Variants in RFTN1 observed in about 807,000 individuals in gnomAD.
The protein encoded by RFTN1 is raftlin.
Under a neutral mutation model 46.5 loss-of-function variants are expected in RFTN1, and 26 were observed. That is an observed-to-expected ratio of 0.56 (90% CI 0.41 to 0.78). RFTN1 has a LOEUF of 0.78. Ranked by LOEUF, RFTN1 falls within the 30% of genes least tolerant of loss-of-function variation. RFTN1 has a pLI of 0.00. For missense variants in RFTN1, 693 were observed against 718.7 expected, an observed-to-expected ratio of 0.96 and a Z score of 0.41; for synonymous variants, 261 against 284.2, an observed-to-expected ratio of 0.92 and a Z score of 0.82.
At chr3:16,318,585 C>T (rs1178179506) in intron 9 of RFTN1, among the ~76,000 whole-genome samples, 1 of 150,754 alleles carries the variant, frequency 6.6e-6, no homozygotes, top group Non-Finnish European at 1.5e-5. Flanking sequence ...TTTGCCCAAA[C>T]ACAGAATTCT....
chr3:16,469,283 C>A (rs1322284303), intron 2 of RFTN1, among the ~76,000 whole-genome samples: 1 of 152,222 alleles, frequency 6.6e-6, no homozygotes, highest in Non-Finnish European at 1.5e-5. Context: ...ATGTGAAGGA[C>A]TTCGAAGCGT....
rs1329491968 is a variant in RFTN1 at position 16,376,830 on chromosome 3, T to C, written c.826+888A>G. Reference sequence around the variant, plus strand: ...CAAAAGAAACTGTTTCTCCTTGTTTTCCCTTCTGGAAGCACCACCTGTTCA... The same window carrying C: ...CAAAAGAAACTGTTTCTCCTTGTTTCCCCTTCTGGAAGCACCACCTGTTCA... On this transcript the variant is annotated intron_variant, in intron 5 of 9. Transcript: ENST00000334133. This position sits in a 1 kb window ranked among gnomAD's most constrained non-coding sequence, Gnocchi z 4.7. Among the ~76,000 whole-genome samples, 1 of 152,112 alleles carries C rather than the reference T, an allele frequency of 6.6e-6. No homozygotes were observed. The highest frequency in any genetic ancestry group is 1.5e-5 in the Non-Finnish European group (1 of 68,036).
At chr3:16,405,174 G>A (rs764404710) in intron 4 of RFTN1, among the ~76,000 whole-genome samples, 2 of 152,066 alleles carry the variant, frequency 1.3e-5, no homozygotes, top group African/African-American at 2.4e-5. Context: ...AGGCCCCCAC[G>A]GACCTGCCAG....
chr3:16,425,847 C>G lies in RFTN1; in HGVS notation c.332+8004G>C, dbSNP rs979975293. 1.3e-5 allele frequency among the ~76,000 whole-genome samples: 2 copies of G among 152,076 alleles called. No homozygotes were observed. The highest frequency in any genetic ancestry group is 2.9e-5 in the Non-Finnish European group (2 of 68,008). On this transcript the variant is annotated intron_variant, in intron 3 of 9. Coordinates refer to ENST00000334133, the MANE Select transcript of RFTN1 (RefSeq NM_015150.2). The surrounding 1 kb of genome is among the most constrained non-coding windows in gnomAD (Gnocchi z 4.3). ...GTAGTCTTGGTGATGCTGGACAGCT[C>G]CTCAGGGGGTACGGTGGCAGCCCGG...
In RFTN1 at chr3:16,401,501, C is replaced by A. The variant is rs765574016; in HGVS notation, c.441+7874G>T. On this transcript the variant is annotated intron_variant, in intron 4 of 9. Coordinates refer to ENST00000334133, the MANE Select transcript of RFTN1 (RefSeq NM_015150.2). ...ATCCAGTGGCCAAACCCGGTGGGCC[C>A]CTCCCACTTGACCTCCTCCCAGCTT... 3.2e-4 allele frequency among the ~76,000 whole-genome samples: 48 copies of A among 152,226 alleles called. 1 individual carries two copies. The highest frequency in any genetic ancestry group is 1.7e-3 in the South Asian group (8 of 4,816).
At position 16,320,649 on chromosome 3, in the gene RFTN1, TA is replaced by T. The variant is rs1402544265; in HGVS notation, c.1332+2726del. ...TAGTACAAAGGAGTCTGGTTTGGTA[TA>T]AAAGGAGACAGCACTGTTCTGAGAA... On this transcript the variant is annotated intron_variant, in intron 9 of 9. Transcript: ENST00000334133. This position sits in a 1 kb window ranked among gnomAD's most constrained non-coding sequence, Gnocchi z 4.5. Among the ~76,000 whole-genome samples, 1 of 152,198 alleles carries T rather than the reference TA, an allele frequency of 6.6e-6. No individual in the cohort carries two copies. The highest frequency in any genetic ancestry group is 1.5e-5 in the Non-Finnish European group (1 of 68,032).
intron 2 of RFTN1, among the ~76,000 whole-genome samples, chr3:16,445,483 T>TCACA (rs10681518): frequency 0.19 from 24,277 of 126,592 alleles, 2,441 homozygotes; most frequent in Non-Finnish European, 0.23. Context: ...TCTCTCTCTC[T>TCACA]CACACACACA....
intron 3 of RFTN1, among the ~76,000 whole-genome samples, chr3:16,423,018 A>G (rs2075216980): frequency 6.6e-6 from 1 of 151,228 alleles, no homozygotes; most frequent in Non-Finnish European, 1.5e-5. Context: ...TACAAAAAAA[A>G]TTAGCCGGGC....
chr3:16,341,169 G>C lies in RFTN1; in HGVS notation c.1147-14293C>G, dbSNP rs912196258. Among the ~76,000 whole-genome samples the C allele has an allele frequency of 2.0e-5, 3 of 152,234 alleles. No individual in the cohort carries two copies. The highest frequency in any genetic ancestry group is 2.9e-5 in the Non-Finnish European group (2 of 68,038). ...CACTGACAATACTTAATGCCGGTGAGGATGTGGAACAACAGCAACTCTCGT... is the reference window on the plus strand; with the variant it reads ...CACTGACAATACTTAATGCCGGTGACGATGTGGAACAACAGCAACTCTCGT... On this transcript the variant is annotated intron_variant, in intron 7 of 9. Transcript: ENST00000334133. This position sits in a 1 kb window ranked among gnomAD's most constrained non-coding sequence, Gnocchi z 4.7.
At chr3:16,431,222 G>C (rs982480288) in intron 3 of RFTN1, among the ~76,000 whole-genome samples, 2 of 152,204 alleles carry the variant, frequency 1.3e-5, no homozygotes, top group East Asian at 3.8e-4. Context: ...TTCTTACCTA[G>C]CCTGGTGCTT....
chr3:16,505,164 G>A (rs1014040176), intron 1 of RFTN1, among the ~76,000 whole-genome samples: 1 of 152,104 alleles, frequency 6.6e-6, no homozygotes, highest in Non-Finnish European at 1.5e-5. Context: ...CACACAAGTG[G>A]CTCAAAGAGC....
Position 16,500,256 on chromosome 3 carries a change from G to A in RFTN1, c.-8-6379C>T, listed in dbSNP as rs894299834. Among the ~76,000 whole-genome samples, 1 of 152,202 alleles carries A rather than the reference G, an allele frequency of 6.6e-6. No individual in the cohort carries two copies. Among genetic ancestry groups the A allele is most frequent in the Non-Finnish European group, 1.5e-5 (1 of 68,040 alleles). ...TCACACTGACACCTAATGTCAATCA[G>A]ATTACCTATTTTATGTGTGAGTTCA... On this transcript the variant is annotated intron_variant, in intron 1 of 9. Transcript: ENST00000334133. This position sits in a 1 kb window ranked among gnomAD's most constrained non-coding sequence, Gnocchi z 5.9.
intron 2 of RFTN1, among the ~76,000 whole-genome samples, chr3:16,490,775 A>G (rs1049852536): frequency 7.9e-5 from 12 of 152,256 alleles, no homozygotes; most frequent in African/African-American, 2.9e-4. Context: ...ACTGCAAAAT[A>G]AATTATGGTA....
At chr3:16,471,308 G>A (rs1220987564) in intron 2 of RFTN1, among the ~76,000 whole-genome samples, 2 of 152,158 alleles carry the variant, frequency 1.3e-5, no homozygotes, top group African/African-American at 4.8e-5. Context: ...TATGCATAGT[G>A]GTTACCATCA....
chr3:16,489,586 A>G lies in RFTN1; in HGVS notation c.145+4139T>C, dbSNP rs2076507446. On this transcript the variant is annotated intron_variant, in intron 2 of 9. Transcript: ENST00000334133. This position sits in a 1 kb window ranked among gnomAD's most constrained non-coding sequence, Gnocchi z 4.0. Reference sequence around the variant, plus strand: ...ATGTGCAATGTAGTGTACTTCATTTATACCTTGATAAAGCTGAAAAATTTC... The same window carrying G: ...ATGTGCAATGTAGTGTACTTCATTTGTACCTTGATAAAGCTGAAAAATTTC... Among the ~76,000 whole-genome samples, 2 of 152,184 alleles carry G rather than the reference A, an allele frequency of 1.3e-5. No individual in the cohort carries two copies. The highest frequency in any genetic ancestry group is 2.9e-5 in the Non-Finnish European group (2 of 68,034).
intron 2 of RFTN1, among the ~76,000 whole-genome samples, chr3:16,478,174 G>T (rs2076313320): frequency 6.6e-6 from 1 of 152,158 alleles, no homozygotes; most frequent in Non-Finnish European, 1.5e-5. Context: ...CTTCCTGGGG[G>T]AGTTTAAGTG....
chr3:16,509,037 T>A lies in RFTN1; in HGVS notation c.-9+4405A>T, dbSNP rs1379522279. ...TTAAATGTAAATAGCCACATGTAAC[T>A]AGTGGCTACTGTATTGAACAGTTCA... On this transcript the variant is annotated intron_variant, in intron 1 of 9. Transcript: ENST00000334133. The surrounding 1 kb of genome is among the most constrained non-coding windows in gnomAD (Gnocchi z 4.9). Among the ~76,000 whole-genome samples the A allele has an allele frequency of 6.6e-6, 1 of 152,250 alleles. No homozygotes were observed. The highest frequency in any genetic ancestry group is 1.5e-5 in the Non-Finnish European group (1 of 68,044).
chr3:16,508,507 T>C (rs1387691081), intron 1 of RFTN1, among the ~76,000 whole-genome samples: 1 of 152,166 alleles, frequency 6.6e-6, no homozygotes, highest in East Asian at 1.9e-4. Context: ...AATTCTTATT[T>C]GGAGAGCAAG....
At chr3:16,502,926 C>T (rs1159969199) in intron 1 of RFTN1, among the ~76,000 whole-genome samples, 1 of 152,222 alleles carries the variant, frequency 6.6e-6, no homozygotes, top group Non-Finnish European at 1.5e-5. Context: ...TTAATCCAGG[C>T]AGTTCATGTT....
Sources: gnomAD v4.1 joint callset for allele counts (sites outside exome capture counted in the v4.1 genomes callset) on GRCh38, gnomAD v4.1.1 for gene constraint, Gnocchi (gnomAD v3.1) non-coding constraint, MANE v1.5 for transcripts, NCBI Gene and HGNC (gene_info 2026-07-23, HGNC 2026-07-21) for gene names.